The following CNOT6L variants were observed in gnomAD, a reference collection of about 807,000 sequenced individuals.
CNOT6L encodes the protein CCR4-NOT transcription complex subunit 6 like.
Under a neutral mutation model 64.0 loss-of-function variants are expected in CNOT6L, and 7 were observed. The ratio of observed to expected loss-of-function variants is 0.11; its 90% CI spans 0.06 to 0.21. The LOEUF is 0.21. Among genes scored for constraint, CNOT6L ranks in the 10% least tolerant of loss-of-function variants. CNOT6L has a pLI of 1.00. For missense variants in CNOT6L, 245 were observed against 669.0 expected (o/e 0.37, Z 6.99); for synonymous variants, 193 against 243.4 (o/e 0.79, Z 1.93).
intron 8 of CNOT6L, among the ~76,000 whole-genome samples, chr4:77,739,738 T>G (rs1455249365): frequency 1.3e-5 from 2 of 151,930 alleles, no homozygotes; most frequent in South Asian, 4.1e-4. Context: ...GAAAAAAGAG[T>G]TGAGGAAGAA....
At chr4:77,793,034 T>C (rs960479067) in intron 1 of CNOT6L, among the ~76,000 whole-genome samples, 1 of 151,414 alleles carries the variant, frequency 6.6e-6, no homozygotes, top group Non-Finnish European at 1.5e-5. Context: ...ACAAGAAATA[T>C]CTTGTCCCAA....
chr4:77,767,553 G>C (rs915113775), intron 4 of CNOT6L, among the ~76,000 whole-genome samples: 3 of 152,034 alleles, frequency 2.0e-5, no homozygotes, highest in African/African-American at 4.8e-5. Context: ...TAATACACAA[G>C]AGAAGTGACT....
intron 1 of CNOT6L, among the ~76,000 whole-genome samples, chr4:77,779,444 A>G (rs1728597654): frequency 6.6e-6 from 1 of 152,146 alleles, no homozygotes; most frequent in African/African-American, 2.4e-5. Flanking sequence ...TGGTGCTCCA[A>G]TTCTAATCTC....
At chr4:77,746,201 G>T (rs541592116) in intron 6 of CNOT6L, among the ~76,000 whole-genome samples, 2 of 152,286 alleles carry the variant, frequency 1.3e-5, no homozygotes, top group South Asian at 2.1e-4. Flanking sequence ...AAAGATCAGA[G>T]ATTGCAATTT....
At chr4:77,803,692 A>T (rs1731877025) in intron 1 of CNOT6L, among the ~76,000 whole-genome samples, 1 of 152,150 alleles carries the variant, frequency 6.6e-6, no homozygotes, top group South Asian at 2.1e-4. Context: ...TAACCTGAGA[A>T]CGGCAGTTCA....
At chr4:77,753,766 G>A (rs962740037) in intron 5 of CNOT6L, among the ~76,000 whole-genome samples, 7 of 151,456 alleles carry the variant, frequency 4.6e-5, no homozygotes, top group African/African-American at 1.7e-4. Context: ...AATCTTGTTG[G>A]CTTTATTCTA....
chr4:77,800,955 G>T (rs1469121064), intron 1 of CNOT6L, among the ~76,000 whole-genome samples: 2 of 152,118 alleles, frequency 1.3e-5, no homozygotes, highest in Non-Finnish European at 2.9e-5. Flanking sequence ...TAACTTTTTG[G>T]CATGAATAAA....
intron 4 of CNOT6L, among the ~76,000 whole-genome samples, chr4:77,763,921 T>G (rs1027820498): frequency 1.3e-5 from 2 of 152,222 alleles, no homozygotes; most frequent in Non-Finnish European, 2.9e-5. Context: ...TAAAAATACT[T>G]AGACCGAAAC....
At chr4:77,817,880 T>C (rs147724203) in intron 1 of CNOT6L, among the ~76,000 whole-genome samples, 25 of 152,360 alleles carry the variant, frequency 1.6e-4, no homozygotes, top group Non-Finnish European at 3.2e-4. Context: ...TCTAGCTAAA[T>C]GATCTAACTA....
At chr4:77,804,867 A>C (rs1208504005) in intron 1 of CNOT6L, among the ~76,000 whole-genome samples, 1 of 152,240 alleles carries the variant, frequency 6.6e-6, no homozygotes, top group Non-Finnish European at 1.5e-5. Context: ...AAAAGTATAC[A>C]CAGTATGAAC....
intron 4 of CNOT6L, among the ~76,000 whole-genome samples, chr4:77,757,417 T>C (rs573291288): frequency 5.9e-5 from 9 of 152,288 alleles, no homozygotes; most frequent in African/African-American, 2.2e-4. Context: ...GAAAATGTGT[T>C]ACCAAGATAT....
intron 1 of CNOT6L, among the ~76,000 whole-genome samples, chr4:77,779,686 C>T (rs535605099): frequency 1.3e-5 from 2 of 152,276 alleles, no homozygotes; most frequent in Admixed American, 6.5e-5. Flanking sequence ...AAAGGCTGGG[C>T]GCAGTGGCTC....
chr4:77,759,799 A>C (rs1725975346), intron 4 of CNOT6L, among the ~76,000 whole-genome samples: 1 of 152,240 alleles, frequency 6.6e-6, no homozygotes, highest in Non-Finnish European at 1.5e-5. Flanking sequence ...CTATCAACCA[A>C]CTTGGCCTAT....
chr4:77,777,935 T>C (rs574110469), intron 1 of CNOT6L, among the ~76,000 whole-genome samples: 83 of 152,360 alleles, frequency 5.4e-4, no homozygotes, highest in African/African-American at 2.0e-3. Flanking sequence ...TTCCACTTAC[T>C]TAAAGGAGCA....
intron 1 of CNOT6L, among the ~76,000 whole-genome samples, chr4:77,789,382 G>T (rs1729832952): frequency 6.6e-6 from 1 of 151,854 alleles, no homozygotes; most frequent in South Asian, 2.1e-4. Context: ...ACAATGCAAG[G>T]ACCTTTTAGC....
intron 1 of CNOT6L, among the ~76,000 whole-genome samples, chr4:77,796,853 G>A (rs1004228745): frequency 6.6e-6 from 1 of 152,090 alleles, no homozygotes; most frequent in South Asian, 2.1e-4. Flanking sequence ...GGGCAAGGAA[G>A]GCAGACTGCC....
At chr4:77,796,986 G>C (rs1384233285) in intron 1 of CNOT6L, among the ~76,000 whole-genome samples, 1 of 150,858 alleles carries the variant, frequency 6.6e-6, no homozygotes, top group Non-Finnish European at 1.5e-5. Flanking sequence ...GGGAGGCTGG[G>C]ATGAGAGGAT....
At chr4:77,767,666 C>T (rs1489947254) in intron 4 of CNOT6L, among the ~76,000 whole-genome samples, 6 of 152,040 alleles carry the variant, frequency 3.9e-5, no homozygotes, top group Non-Finnish European at 8.8e-5. Flanking sequence ...AAATTAGACC[C>T]CTCATACTAT....
intron 1 of CNOT6L, among the ~76,000 whole-genome samples, chr4:77,782,641 C>CTT (rs3048223): frequency 3.9e-4 from 55 of 141,276 alleles, no homozygotes; most frequent in African/African-American, 1.3e-3. Flanking sequence ...AGTGCCTAGC[C>CTT]TTTTTTTTTT....
Sources: allele counts gnomAD v4.1 joint callset (sites outside exome capture counted in the v4.1 genomes callset), GRCh38; gene constraint gnomAD v4.1.1; transcripts MANE v1.5; gene names NCBI Gene and HGNC (gene_info 2026-07-23, HGNC 2026-07-21).